LONRF2: variants seen among roughly 807,000 people sequenced by gnomAD.
LONRF2 encodes LON peptidase N-terminal domain and RING finger protein 2.
Under a neutral mutation model 66.6 loss-of-function variants are expected in LONRF2, and 35 were observed. The observed-to-expected ratio is 0.53, with a 90% CI of 0.40 to 0.70. The LOEUF (loss-of-function observed/expected upper bound fraction) is 0.70. LONRF2 is among the 30% of genes least tolerant of loss of function. The pLI is 0.00. For missense variants in LONRF2, 902 were observed against 1,002.1 expected (o/e 0.90, Z 1.35); for synonymous variants, 417 against 418.1 (o/e 1.00, Z 0.03).
intron 2 of LONRF2, among the ~76,000 whole-genome samples, chr2:100,308,364 G>A (rs1191174451): frequency 6.6e-6 from 1 of 152,118 alleles, no homozygotes; most frequent in African/African-American, 2.4e-5. Flanking sequence ...AAAAGGGCAG[G>A]CTTCCCAGTG....
intron 1 of LONRF2, among the ~76,000 whole-genome samples, chr2:100,318,847 A>T (rs1675565139): frequency 6.6e-6 from 1 of 150,656 alleles, no homozygotes; most frequent in South Asian, 2.1e-4. Flanking sequence ...AAAAAAAAGA[A>T]AAGGCCAGGC....
rs747182116 is a variant in LONRF2 at position 100,294,405 on chromosome 2, A to T, written c.1599-18T>A. On this transcript the variant is annotated intron_variant, in intron 8 of 11. Transcript: ENST00000393437. ...TGGTCAGACTGCAGAGCAAGGGGAC[A>T]TGTTATCTCAGATGTATGAGCTGTT... is the stretch of plus-strand genomic sequence containing the variant. 1 of 1,543,202 alleles carries T rather than the reference A, an allele frequency of 6.5e-7. No individual in the cohort carries two copies. Among genetic ancestry groups the T allele is most frequent in the Non-Finnish European group, 8.7e-7 (1 of 1,150,828 alleles).
rs114227746 is a variant in LONRF2, at chr2:100,321,195, C to T, written c.679+220G>A. Among the ~76,000 whole-genome samples, 1,403 of 152,318 alleles carry T rather than the reference C, an allele frequency of 9.2e-3. 21 individuals are homozygous for T. Among genetic ancestry groups the T allele is most frequent in the East Asian group, 0.048 (250 of 5,178 alleles). ...GGGGCCGCGGGAAACTTACCAGCATCCTGGAAAAGACAAAACCAGTGGGGT... is the reference window on the plus strand; with the variant it reads ...GGGGCCGCGGGAAACTTACCAGCATTCTGGAAAAGACAAAACCAGTGGGGT... On this transcript the variant is annotated intron_variant, in intron 1 of 11. Coordinates refer to ENST00000393437, the MANE Select transcript of LONRF2 (RefSeq NM_198461.4).
chr2:100,295,381 A>T lies in LONRF2; in HGVS notation c.1598+51T>A, dbSNP rs1004403839. 3 of 1,556,578 alleles carry T rather than the reference A, an allele frequency of 1.9e-6. No individual in the cohort carries two copies. In the African/African-American group the frequency reaches 4.1e-5, roughly 22 times the overall value. On this transcript the variant is annotated intron_variant, in intron 8 of 11. Coordinates refer to ENST00000393437, the MANE Select transcript of LONRF2 (RefSeq NM_198461.4). The stretch of plus-strand genomic sequence containing the variant: ...AAAATCTGAGGTGAAGCTGAAGTTG[A>T]CAAAGTTCAATCTGAACTTAAGACC...
chr2:100,302,605 T>C (rs1675207403), intron 3 of LONRF2, among the ~76,000 whole-genome samples: 1 of 152,216 alleles, frequency 6.6e-6, no homozygotes, highest in African/African-American at 2.4e-5. Flanking sequence ...ATTTTACATA[T>C]ATCATAATGT....
intron 2 of LONRF2, among the ~76,000 whole-genome samples, chr2:100,304,153 C>CTT (rs58137330): frequency 4.0e-5 from 6 of 150,388 alleles, no homozygotes; most frequent in East Asian, 2.0e-4. Flanking sequence ...CTAGAATTTC[C>CTT]TTTTTTTTTC....
chr2:100,275,196 A>G lies in LONRF2; in HGVS notation c.*9102T>C, dbSNP rs1235680857. ...GGTGATGTCAATCGCAGTCCCCTAC[A>G]CAGGACCTTCTGGGTATAATTGTAT... On this transcript the variant is annotated 3_prime_UTR_variant, in exon 12 of 12. Transcript: ENST00000393437. The G allele has an allele frequency of 6.6e-6, 1 of 152,242 alleles. No homozygotes were observed. Among genetic ancestry groups the G allele is most frequent in the African/African-American group, 2.4e-5 (1 of 41,448 alleles). 9.4% of individuals were successfully genotyped at this position (152,242 alleles called of 1,614,324 possible).
chr2:100,307,209 C>T (rs1200429826), intron 2 of LONRF2, among the ~76,000 whole-genome samples: 2 of 152,126 alleles, frequency 1.3e-5, no homozygotes, highest in South Asian at 2.1e-4. Flanking sequence ...CGTGAGCCAC[C>T]GCGCCCGGCC....
chr2:100,308,470 A>C (rs1166506667), intron 2 of LONRF2, among the ~76,000 whole-genome samples: 1 of 152,234 alleles, frequency 6.6e-6, no homozygotes, highest in Non-Finnish European at 1.5e-5. Context: ...TAACTGACTA[A>C]AAGAGCATGC....
intron 1 of LONRF2, among the ~76,000 whole-genome samples, chr2:100,316,340 A>C (rs1675507159): frequency 7.0e-6 from 1 of 143,508 alleles, no homozygotes; most frequent in Non-Finnish European, 1.5e-5. Context: ...AAAAAAAAAG[A>C]AAGAAAATTT....
Position 100,289,999 on chromosome 2 carries a change from C to T in LONRF2, c.1920+259G>A, listed in dbSNP as rs190332601. Among the ~76,000 whole-genome samples, 10 of 152,132 alleles carry T rather than the reference C, an allele frequency of 6.6e-5. No homozygotes were observed. The East Asian group carries it at 1.4e-3, about 21-fold the overall frequency. The stretch of plus-strand genomic sequence containing the variant: ...GTGTGCACCTACAGTCCCAGCTACT[C>T]GGGAGGCTAAAGCAGGAGGATCGTT... On this transcript the variant is annotated intron_variant, in intron 10 of 11. Transcript: ENST00000393437.
At chr2:100,307,124 G>A (rs1475847943) in intron 2 of LONRF2, among the ~76,000 whole-genome samples, 3 of 152,058 alleles carry the variant, frequency 2.0e-5, no homozygotes, top group African/African-American at 7.2e-5. Context: ...GTGTCACCGT[G>A]TTAGCCTGGA....
intron 2 of LONRF2, among the ~76,000 whole-genome samples, chr2:100,307,598 T>G (rs1254723819): frequency 6.6e-6 from 1 of 152,106 alleles, no homozygotes; most frequent in Non-Finnish European, 1.5e-5. Flanking sequence ...GGAGAGGAAT[T>G]GGGGCGACGT....
chr2:100,321,660 C>A lies in LONRF2; in HGVS notation c.434G>T (p.Arg145Leu). Residue 145 changes from arginine to leucine, a missense_variant, in exon 1 of 12, where the codon CGC becomes CTC. Arg to Leu is a moderately radical substitution (Grantham distance 102). Transcript: ENST00000393437. ...RAPRDLLGCPRCRRLLHKPVT... is the reference protein window; with the variant it reads ...RAPRDLLGCPLCRRLLHKPVT... ...CGGCTTATGCAGCAGCCGCCGGCAG[C>A]GCGGGCAGCCGAGCAGGTCGCGGGG... is the stretch of plus-strand genomic sequence containing the variant. 1 of 1,371,528 alleles carries A rather than the reference C, an allele frequency of 7.3e-7. No homozygotes were observed. The highest frequency in any genetic ancestry group is 9.4e-7 in the Non-Finnish European group (1 of 1,062,262). 85.0% of individuals were successfully genotyped at this position (1,371,528 alleles called of 1,614,324 possible).
intron 2 of LONRF2, 26 bp from the exon 3 acceptor site, chr2:100,303,069 C>T: frequency 6.4e-7 from 1 of 1,555,408 alleles, no homozygotes; most frequent in South Asian, 1.2e-5. Flanking sequence ...ACAAAGTGTA[C>T]ATTTTTAAAA....
chr2:100,279,777 A>G lies in LONRF2; in HGVS notation c.*4521T>C, dbSNP rs1005938501. On this transcript the variant is annotated 3_prime_UTR_variant, in exon 12 of 12. Coordinates refer to ENST00000393437, the MANE Select transcript of LONRF2 (RefSeq NM_198461.4). The stretch of plus-strand genomic sequence containing the variant: ...GGGGCTAGGTGCCAGATGGCTAGAG[A>G]CCACCTGTATAGCCTAGAGTCTGAG... 1 of 152,182 alleles carries G rather than the reference A, an allele frequency of 6.6e-6. No individual in the cohort carries two copies. Among genetic ancestry groups the G allele is most frequent in the Non-Finnish European group, 1.5e-5 (1 of 68,114 alleles). The allele number at this position is 152,182 out of a possible 1,614,324, so 9.4% of individuals were successfully genotyped here.
intron 1 of LONRF2, among the ~76,000 whole-genome samples, chr2:100,317,510 GA>G (rs1675531852): frequency 2.0e-5 from 3 of 152,046 alleles, no homozygotes; most frequent in African/African-American, 7.2e-5. Flanking sequence ...ATTGTTATTT[GA>G]AATAGTCAAT....
Position 100,290,341 on chromosome 2 carries a change from C to T in LONRF2, c.1837G>A (p.Gly613Ser). ...CTTAGCACTCGGAACCGACTGATGC[C>T]AATCGCGTCTACAACAGAACTTCCA... ...PDGSSVVDAI[G>S]ISRFRVLSHR... The change falls in exon 10 of 12, where the codon GGC (glycine) becomes AGC (serine). Residue 613 changes from glycine (G) to serine (S), a missense_variant. Gly to Ser is a moderately conservative substitution (Grantham distance 56). Transcript: ENST00000393437. 1 of 1,614,168 alleles carries T rather than the reference C, an allele frequency of 6.2e-7. No individual in the cohort carries two copies. Among genetic ancestry groups the T allele is most frequent in the Non-Finnish European group, 8.5e-7 (1 of 1,180,022 alleles).
intron 11 of LONRF2, among the ~76,000 whole-genome samples, chr2:100,285,517 C>T (rs1391514249): frequency 6.6e-6 from 1 of 152,140 alleles, no homozygotes; most frequent in African/African-American, 2.4e-5. Context: ...AATGGTCCCC[C>T]ATATGGTACC....
Sources: gnomAD v4.1 joint callset for allele counts (sites outside exome capture counted in the v4.1 genomes callset) on GRCh38, gnomAD v4.1.1 for gene constraint, MANE v1.5 for transcripts, NCBI Gene and HGNC (gene_info 2026-07-23, HGNC 2026-07-21) for gene names.